The following LGSN variants were observed in gnomAD, a reference collection of about 807,000 sequenced individuals.
LGSN encodes lengsin, lens protein with glutamine synthetase domain.
LGSN carries 21 observed loss-of-function variants against 19.5 expected under a neutral mutation model. The ratio of observed to expected loss-of-function variants is 1.07; its 90% confidence interval spans 0.76 to 1.55. The LOEUF is 1.55. Among genes scored for constraint, LGSN ranks in the 40% most tolerant of loss-of-function variants. LGSN has a pLI of 0.00. For missense variants in LGSN, 673 were observed against 608.5 expected (o/e 1.11, Z -1.12); for synonymous variants, 257 against 215.6 (o/e 1.19, Z -1.68).
At chr6:63,425,833 T>G in the LGSN span, among the ~76,000 whole-genome samples, 6 of 151,878 alleles carry the variant, frequency 4.0e-5, no homozygotes, top group Non-Finnish European at 8.8e-5. Flanking sequence ...TAAAAAGAAA[T>G]ATACTGTATC....
At chr6:63,444,394 G>A in the LGSN span, among the ~76,000 whole-genome samples, 2 of 152,170 alleles carry the variant, frequency 1.3e-5, no homozygotes, top group African/African-American at 4.8e-5. Context: ...ATGTGTGATA[G>A]ACTAAAATCA....
At chr6:63,450,130 T>G in the LGSN span, among the ~76,000 whole-genome samples, 8 of 147,452 alleles carry the variant, frequency 5.4e-5, no homozygotes, top group African/African-American at 2.0e-4. Context: ...GTGGATCACA[T>G]GAGGTCAGGA....
chr6:63,329,422 A>G, the LGSN span, among the ~76,000 whole-genome samples: 2 of 152,198 alleles, frequency 1.3e-5, no homozygotes, highest in Non-Finnish European at 2.9e-5. Flanking sequence ...TTACTGCCTC[A>G]ATGAGTCTAA....
the LGSN span, among the ~76,000 whole-genome samples, chr6:63,338,963 A>G: frequency 2.6e-5 from 4 of 152,254 alleles, no homozygotes; most frequent in Non-Finnish European, 4.4e-5. Context: ...ATTTCCATAT[A>G]TTTGAAAACT....
At chr6:63,326,605 G>T in the LGSN span, among the ~76,000 whole-genome samples, 1 of 152,200 alleles carries the variant, frequency 6.6e-6, no homozygotes, top group South Asian at 2.1e-4. Context: ...CCCACAGGAA[G>T]GCAGCTAAGG....
At chr6:63,559,197 AAT>A in the LGSN span, among the ~76,000 whole-genome samples, 3 of 152,158 alleles carry the variant, frequency 2.0e-5, no homozygotes, top group African/African-American at 7.2e-5. Flanking sequence ...AATGAGGAAA[AAT>A]ATCTTATAAA....
At chr6:63,336,974 A>T in the LGSN span, among the ~76,000 whole-genome samples, 1 of 150,990 alleles carries the variant, frequency 6.6e-6, no homozygotes, top group African/African-American at 2.4e-5. Context: ...CCCAGGCTGG[A>T]GTGCAATGGC....
At chr6:63,288,853 T>TA (rs1767655665) in intron 2 of LGSN, among the ~76,000 whole-genome samples, 2 of 152,246 alleles carry the variant, frequency 1.3e-5, no homozygotes, top group Non-Finnish European at 2.9e-5. Context: ...GGGGCCACCC[T>TA]ACTGACCTAA....
At chr6:63,288,271 AAT>A (rs1491038676) in intron 2 of LGSN, among the ~76,000 whole-genome samples, 8 of 79,622 alleles carry the variant, frequency 1.0e-4, no homozygotes, top group Non-Finnish European at 2.6e-4. Flanking sequence ...ATAAATAAAT[AAT>A]AATAATATTC....
At chr6:63,311,046 GACTGGTCC>G (rs1356725640) in intron 1 of LGSN, among the ~76,000 whole-genome samples, 1 of 152,150 alleles carries the variant, frequency 6.6e-6, no homozygotes, top group Non-Finnish European at 1.5e-5. Flanking sequence ...GTTTGCTCTT[GACTGGTCC>G]ACTTTTGCTT....
the LGSN span, among the ~76,000 whole-genome samples, chr6:63,489,672 G>A: frequency 6.6e-6 from 1 of 150,408 alleles, no homozygotes; most frequent in Non-Finnish European, 1.5e-5. Flanking sequence ...ACCCGACCTG[G>A]ATTTTATTTA....
the LGSN span, among the ~76,000 whole-genome samples, chr6:63,456,390 T>TAC: frequency 1.2e-4 from 15 of 125,226 alleles, no homozygotes; most frequent in Non-Finnish European, 1.6e-4. Context: ...TATATATATA[T>TAC]ATACTTTTTT....
chr6:63,486,682 C>CTT, the LGSN span, among the ~76,000 whole-genome samples: 1,979 of 115,764 alleles, frequency 0.017, 80 homozygotes, highest in African/African-American at 0.032. Flanking sequence ...TTATTTTCTT[C>CTT]TTTTTTTTTT....
Position 63,280,161 on chromosome 6 carries a change from C to A in LGSN, c.1390G>T (p.Val464Leu). Residue 464 changes from valine (V) to leucine (L), a missense_variant, in exon 4 of 4, where the codon GTG becomes TTG. Coordinates refer to ENST00000370657, the MANE Select transcript of LGSN (RefSeq NM_016571.3). ...EIPLKLEDAL[V>L]ALEEDQCLRQ... ...AGGCATTGATCTTCTTCCAGTGCCA[C>A]AAGGGCATCTTCTAGTTTTAAAGGG... The A allele has an allele frequency of 6.2e-7, 1 of 1,614,230 alleles. No individual in the cohort carries two copies. The highest frequency in any genetic ancestry group is 8.5e-7 in the Non-Finnish European group (1 of 1,180,044).
the LGSN span, among the ~76,000 whole-genome samples, chr6:63,462,484 A>G: frequency 6.6e-6 from 1 of 152,172 alleles, no homozygotes; most frequent in Non-Finnish European, 1.5e-5. Context: ...AATACAAAAA[A>G]AAATCAGTTG....
At chr6:63,330,776 C>T in the LGSN span, among the ~76,000 whole-genome samples, 38 of 152,224 alleles carry the variant, frequency 2.5e-4, no homozygotes, top group African/African-American at 8.9e-4. Context: ...CTTCAGCTGT[C>T]ATTCTGTCAT....
chr6:63,454,470 C>CTTTT, the LGSN span, among the ~76,000 whole-genome samples: 20 of 118,672 alleles, frequency 1.7e-4, no homozygotes, highest in Non-Finnish European at 2.2e-4. Flanking sequence ...TTTACATTTT[C>CTTTT]TTTTTTTTTT....
At chr6:63,559,833 C>T in the LGSN span, among the ~76,000 whole-genome samples, 1 of 152,084 alleles carries the variant, frequency 6.6e-6, no homozygotes, top group Non-Finnish European at 1.5e-5. Context: ...GGCAGGTTTG[C>T]CCAGGCTGGT....
At chr6:63,319,159 C>T (rs1014512956) in intron 1 of LGSN, among the ~76,000 whole-genome samples, 1 of 152,198 alleles carries the variant, frequency 6.6e-6, no homozygotes, top group Non-Finnish European at 1.5e-5. Flanking sequence ...CTATCTTCTC[C>T]ACTACATGCA....
Sources: allele counts gnomAD v4.1 joint callset (sites outside exome capture counted in the v4.1 genomes callset), GRCh38; gene constraint gnomAD v4.1.1; transcripts MANE v1.5; gene names NCBI Gene and HGNC (gene_info 2026-07-23, HGNC 2026-07-21).